Variants in TMEM62 observed in about 807,000 individuals in gnomAD.
TMEM62 encodes the protein transmembrane protein 62.
TMEM62 carries 41 observed loss-of-function variants against 70.4 expected under a neutral mutation model. That is an observed-to-expected ratio of 0.58 (90% CI 0.45 to 0.76). The LOEUF (loss-of-function observed/expected upper bound fraction) is 0.76. Among genes scored for constraint, TMEM62 ranks in the 30% least tolerant of loss-of-function variants. The probability of loss-of-function intolerance (pLI) is 0.00; values close to 1 mark genes in which losing one functional copy is unlikely to be tolerated. For synonymous variants in TMEM62, 268 were observed against 291.0 expected (o/e 0.92, Z 0.80); for missense variants, 688 against 788.5 (o/e 0.87, Z 1.53).
chr15:43,138,649 A>C (rs373632569), intron 4 of TMEM62, 30 bp downstream of exon 4: 3 of 1,540,348 alleles, frequency 1.9e-6, no homozygotes, highest in Middle Eastern at 1.7e-4. Context: ...ACAGACCACT[A>C]TGTAGAGTCA....
chr15:43,182,668 G>A (rs866869013), intron 13 of TMEM62, among the ~76,000 whole-genome samples: 75 of 151,978 alleles, frequency 4.9e-4, no homozygotes, highest in African/African-American at 1.8e-3. Flanking sequence ...TGGCCAGGAT[G>A]GTCTCGAACT....
intron 9 of TMEM62, among the ~76,000 whole-genome samples, chr15:43,157,763 C>T (rs1036367335): frequency 2.6e-5 from 4 of 152,056 alleles, no homozygotes; most frequent in African/African-American, 9.7e-5. Flanking sequence ...ACCATGATAC[C>T]ATATCATACC....
chr15:43,133,608 A>C lies in TMEM62; in HGVS notation c.-195A>C, dbSNP rs1019269716. 3.1e-5 allele frequency: 12 copies of C among 383,062 alleles called. No homozygotes were observed. Among genetic ancestry groups the C allele is most frequent in the African/African-American group, 2.5e-4 (12 of 47,976 alleles). The allele number at this position is 383,062 out of a possible 1,614,324, so 23.7% of individuals were successfully genotyped here. ...GTCACTTGCGCGGCCAGAGAGGGGC[A>C]GGTGCTGGGCGGCGGCTGACGGGCG... On this transcript the variant is annotated 5_prime_UTR_variant, in exon 1 of 14. Coordinates refer to ENST00000260403, the MANE Select transcript of TMEM62 (RefSeq NM_024956.4).
intron 13 of TMEM62, chr15:43,183,984 A>T (rs1482167398): frequency 4.4e-6 from 2 of 453,952 alleles, no homozygotes; most frequent in Non-Finnish European, 7.8e-6. Flanking sequence ...TTCCAGCTTA[A>T]CACCATTGGG....
upstream of TMEM62, chr15:43,133,327 G>C (rs1448092131): frequency 1.3e-5 from 2 of 154,462 alleles, no homozygotes; most frequent in Admixed American, 1.3e-4. Flanking sequence ...TTTAAAAGGC[G>C]TTCTCATACA....
intron 4 of TMEM62, among the ~76,000 whole-genome samples, chr15:43,143,747 C>G (rs576134198): frequency 6.6e-6 from 1 of 152,280 alleles, no homozygotes; most frequent in South Asian, 2.1e-4. Context: ...TGTGAAAAGG[C>G]AAGGGATCTC....
chr15:43,142,453 G>A (rs1031831639), intron 4 of TMEM62, among the ~76,000 whole-genome samples: 119 of 150,630 alleles, frequency 7.9e-4, no homozygotes, highest in African/African-American at 2.7e-3. Context: ...GTGAGCCACC[G>A]CGCCCGGCCA....
chr15:43,178,474 T>A, intron 11 of TMEM62, 133 bp from the exon 12 acceptor site: 2 of 567,344 alleles, frequency 3.5e-6, no homozygotes. Context: ...AGTGGTGTCA[T>A]CTGTATAGTT....
At chr15:43,149,174 G>T (rs780706370) in intron 7 of TMEM62, 23 bp downstream of exon 7, 2 of 1,612,130 alleles carry the variant, frequency 1.2e-6, no homozygotes, top group South Asian at 2.2e-5. Context: ...CCCCATAGAA[G>T]AAAACTTATA....
chr15:43,144,254 T>C (rs940843978), intron 4 of TMEM62, among the ~76,000 whole-genome samples: 4 of 152,162 alleles, frequency 2.6e-5, no homozygotes, highest in Admixed American at 2.0e-4. Flanking sequence ...AACCAAAAAC[T>C]GAACTTTGCA....
In TMEM62 at chr15:43,134,383, C is replaced by G. The variant is rs760541113; in HGVS notation, c.292+15C>G. 1.4e-5 allele frequency: 22 copies of G among 1,594,578 alleles called. No individual in the cohort carries two copies. Among genetic ancestry groups the G allele is most frequent in the Admixed American group, 6.7e-5 (4 of 59,974 alleles). On this transcript the variant is annotated intron_variant, in intron 2 of 13. Transcript: ENST00000260403. Reference sequence around the variant, plus strand: ...CCTAGCAACAGGTAGGGAGGCTTGCCGTGCTGTGGTGGTGGTCTGTGGTCC... The same window carrying G: ...CCTAGCAACAGGTAGGGAGGCTTGCGGTGCTGTGGTGGTGGTCTGTGGTCC...
intron 12 of TMEM62, chr15:43,180,954 C>T: frequency 2.2e-6 from 1 of 454,388 alleles, no homozygotes; most frequent in Non-Finnish European, 4.0e-6. Flanking sequence ...CATATCTGTT[C>T]TAGGTATAGT....
At chr15:43,160,552 C>G in intron 9 of TMEM62, 129 bp from the exon 10 acceptor site, 1 of 606,628 alleles carries the variant, frequency 1.6e-6, no homozygotes, top group South Asian at 2.2e-5. Flanking sequence ...AAAACAACAA[C>G]AACAACAACA....
chr15:43,176,064 C>T (rs1430315925), intron 11 of TMEM62, among the ~76,000 whole-genome samples: 5 of 152,242 alleles, frequency 3.3e-5, no homozygotes, highest in South Asian at 2.1e-4. Context: ...CCTACACCCA[C>T]GGAGTCTCGC....
chr15:43,141,853 G>C (rs2036061217), intron 4 of TMEM62, among the ~76,000 whole-genome samples: 1 of 152,200 alleles, frequency 6.6e-6, no homozygotes, highest in South Asian at 2.1e-4. Flanking sequence ...CTTCAGTGGA[G>C]GAAGAACTGT....
rs770950335 is a variant in TMEM62 at position 43,151,866 on chromosome 15, A to G, written c.943A>G (p.Ile315Val). The G allele has an allele frequency of 6.2e-7, 1 of 1,614,026 alleles. No individual in the cohort carries two copies. Among genetic ancestry groups the G allele is most frequent in the South Asian group, 1.1e-5 (1 of 91,070 alleles). Reference sequence around the variant, plus strand: ...CTTTGGGAAGTGGCCTGTGGTTCTTATCACCAATCCTAAATCACTCCTTTA... The same window carrying G: ...CTTTGGGAAGTGGCCTGTGGTTCTTGTCACCAATCCTAAATCACTCCTTTA... Reference protein sequence around the residue: ...LIFGKWPVVLITNPKSLLYSC... With the variant: ...LIFGKWPVVLVTNPKSLLYSC... Residue 315 changes from isoleucine to valine, a missense_variant, in exon 8 of 14, where the codon ATC (isoleucine) becomes GTC (valine). Ile to Val is a conservative substitution (Grantham distance 29, BLOSUM62 3). Transcript: ENST00000260403.
chr15:43,144,805 G>T (rs1397435157), intron 4 of TMEM62, among the ~76,000 whole-genome samples: 1 of 152,132 alleles, frequency 6.6e-6, no homozygotes, highest in Non-Finnish European at 1.5e-5. Flanking sequence ...GGAGTTAGGA[G>T]ACATGTTCAA....
In TMEM62 at chr15:43,133,967, C is replaced by A; in HGVS notation, c.165C>A (p.Ile55=). Residue 55 remains isoleucine, a synonymous_variant, in exon 1 of 14, where the codon ATC becomes ATA. Transcript: ENST00000260403. The part of the protein sequence containing the change: ...HPAPGPGDSN[I]FWGLQISDIH... ...CGCCAGGGCCCGGAGACAGCAACAT[C>A]TTCTGGGGCCTGCAGGTGACGCGGC... 1 of 1,452,042 alleles carries A rather than the reference C, an allele frequency of 6.9e-7. No individual in the cohort carries two copies. The highest frequency in any genetic ancestry group is 2.6e-5 in the East Asian group (1 of 39,180). The allele number at this position is 1,452,042 out of a possible 1,614,324, so 89.9% of individuals were successfully genotyped here.
At chr15:43,146,387 A>G (rs773556188) in intron 4 of TMEM62, 106 bp from the exon 5 acceptor site, 17 of 1,075,110 alleles carry the variant, frequency 1.6e-5, no homozygotes, top group Non-Finnish European at 2.3e-5. Flanking sequence ...CTGTCAGATC[A>G]GCAAATCTCG....
Sources: gnomAD v4.1 joint callset for allele counts (sites outside exome capture counted in the v4.1 genomes callset) on GRCh38, gnomAD v4.1.1 for gene constraint, MANE v1.5 for transcripts, NCBI Gene and HGNC (gene_info 2026-07-23, HGNC 2026-07-21) for gene names.